The following PPM1B variants were observed in gnomAD, a reference collection of about 807,000 sequenced individuals.
The protein encoded by PPM1B is protein phosphatase, Mg2+/Mn2+ dependent 1B.
Under a neutral mutation model 43.0 loss-of-function variants are expected in PPM1B, and 22 were observed. The observed-to-expected ratio is 0.51, with a 90% CI of 0.37 to 0.73. The LOEUF (loss-of-function observed/expected upper bound fraction) is 0.73, where lower values mean the gene tolerates loss of function less well. Among genes scored for constraint, PPM1B ranks in the 30% least tolerant of loss-of-function variants. The pLI is 0.00. For missense variants in PPM1B, 632 were observed against 584.2 expected (o/e 1.08, Z -0.84); for synonymous variants, 217 against 197.9 (o/e 1.10, Z -0.81).
chr2:44,220,375 A>T (rs1194104601), intron 5 of PPM1B, among the ~76,000 whole-genome samples: 1 of 152,068 alleles, frequency 6.6e-6, no homozygotes, highest in African/African-American at 2.4e-5. Context: ...TAAATTTTTT[A>T]AAAAGAAAAA....
At position 44,223,845 on chromosome 2, in the gene PPM1B, G is replaced by C. The variant is rs7556994; in HGVS notation, c.1134+5308G>C. ...AAAAAAAAAAAAAAAAAAAAAAAAAGAGAGAGAGAGAGAAAATGCACTAAC... is the reference window on the plus strand; with the variant it reads ...AAAAAAAAAAAAAAAAAAAAAAAAACAGAGAGAGAGAGAAAATGCACTAAC... On this transcript the variant is annotated intron_variant, in intron 5 of 5. Transcript: ENST00000282412. 1.0e-4 allele frequency among the ~76,000 whole-genome samples: 11 copies of C among 109,740 alleles called. No homozygotes were observed. In the East Asian group the frequency reaches 3.0e-3, roughly 30 times the overall value. The allele number at this position is 109,740 out of a possible 152,430, so 72.0% of individuals were successfully genotyped here.
chr2:44,176,938 G>T (rs918253610), intron 1 of PPM1B, among the ~76,000 whole-genome samples: 1 of 152,072 alleles, frequency 6.6e-6, no homozygotes, highest in Non-Finnish European at 1.5e-5. Context: ...GCGGCACCAC[G>T]CCCAGCTAAT....
intron 5 of PPM1B, among the ~76,000 whole-genome samples, chr2:44,229,163 CAA>C (rs1343958792): frequency 1.4e-5 from 2 of 147,974 alleles, no homozygotes; most frequent in Non-Finnish European, 3.0e-5. Context: ...GCCTGGGCAA[CAA>C]GAGTGAAACT....
intron 5 of PPM1B, among the ~76,000 whole-genome samples, chr2:44,229,026 T>TA (rs1487798750): frequency 1.6e-4 from 24 of 151,918 alleles, no homozygotes; most frequent in Non-Finnish European, 2.9e-5. Context: ...CTACTAAAAA[T>TA]ACAAAATTAG....
At chr2:44,179,110 G>A (rs908489549) in intron 1 of PPM1B, among the ~76,000 whole-genome samples, 8 of 151,982 alleles carry the variant, frequency 5.3e-5, no homozygotes, top group Admixed American at 5.2e-4. Context: ...TAAGTCTCAT[G>A]AGATCTGATG....
chr2:44,192,364 A>G (rs192244612), intron 1 of PPM1B, among the ~76,000 whole-genome samples: 498 of 151,960 alleles, frequency 3.3e-3, no homozygotes, highest in African/African-American at 0.012. Context: ...ATTACAGCCC[A>G]CAAACCATGC....
chr2:44,197,484 T>A (rs1315297424), intron 1 of PPM1B, among the ~76,000 whole-genome samples: 1 of 152,214 alleles, frequency 6.6e-6, no homozygotes, highest in Non-Finnish European at 1.5e-5. Flanking sequence ...CTAACATTAC[T>A]CTTCTGTTAA....
chr2:44,207,769 G>A (rs1558413994), intron 2 of PPM1B, among the ~76,000 whole-genome samples: 1 of 151,846 alleles, frequency 6.6e-6, no homozygotes, highest in Non-Finnish European at 1.5e-5. Context: ...TTTTTGAAGA[G>A]ACAAGGTTTT....
At chr2:44,171,501 C>A (rs967938461) in intron 1 of PPM1B, among the ~76,000 whole-genome samples, 1 of 152,072 alleles carries the variant, frequency 6.6e-6, no homozygotes, top group Non-Finnish European at 1.5e-5. Flanking sequence ...GAATTGGCCA[C>A]GGTATCACTT....
chr2:44,186,408 A>G (rs1204101481), intron 1 of PPM1B, among the ~76,000 whole-genome samples: 1 of 152,196 alleles, frequency 6.6e-6, no homozygotes, highest in African/African-American at 2.4e-5. Flanking sequence ...TTGCTCTGTC[A>G]TCGAGGCTGG....
intron 1 of PPM1B, among the ~76,000 whole-genome samples, chr2:44,189,023 C>T (rs1425817906): frequency 6.6e-6 from 1 of 152,036 alleles, no homozygotes; most frequent in Non-Finnish European, 1.5e-5. Context: ...CATGCCGCCA[C>T]CACACCTGGC....
intron 2 of PPM1B, among the ~76,000 whole-genome samples, chr2:44,204,634 A>C (rs1350806687): frequency 6.6e-6 from 1 of 152,144 alleles, no homozygotes; most frequent in Non-Finnish European, 1.5e-5. Context: ...GAGGTAGTTA[A>C]GATGACGAGG....
chr2:44,187,061 A>T (rs57184508), intron 1 of PPM1B, among the ~76,000 whole-genome samples: 1 of 152,190 alleles, frequency 6.6e-6, no homozygotes, highest in Non-Finnish European at 1.5e-5. Flanking sequence ...CTGAAACTCT[A>T]TGCCCATTAA....
Position 44,180,315 on chromosome 2 carries a change from CT to C in PPM1B, c.-15+11044del, listed in dbSNP as rs1227808358. 2.6e-5 allele frequency among the ~76,000 whole-genome samples: 4 copies of C among 152,224 alleles called. No individual in the cohort carries two copies. The East Asian group carries it at 7.7e-4, about 29-fold the overall frequency. ...AAAAAGGGCTACAGGGATAGACTGA[CT>C]TTGGGAGTTGGGGATACTCTATGCC... is the stretch of plus-strand genomic sequence containing the variant. On this transcript the variant is annotated intron_variant, in intron 1 of 5. Transcript: ENST00000282412.
At chr2:44,241,625 G>A (rs917545737) in intron 5 of PPM1B, among the ~76,000 whole-genome samples, 2 of 115,262 alleles carry the variant, frequency 1.7e-5, no homozygotes, top group African/African-American at 2.7e-5. Context: ...CCAGCTACCT[G>A]GGAGGCTGAG....
At position 44,230,488 on chromosome 2, in the gene PPM1B, A is replaced by G; in HGVS notation, c.1210A>G (p.Arg404Gly). 6.2e-7 allele frequency: 1 copy of G among 1,614,172 alleles called. No homozygotes were observed. Among genetic ancestry groups the G allele is most frequent in the Admixed American group, 1.7e-5 (1 of 60,030 alleles). The change falls in exon 6 of 6, where the codon AGG (arginine) becomes GGG (glycine). Residue 404 changes from arginine (R) to glycine (G), a missense_variant. Around this residue, in one of 3 missense-constraint regions of PPM1B, gnomAD observed 392 missense variants for 302.7 expected, o/e 1.29. Coordinates refer to ENST00000282412, the MANE Select transcript of PPM1B (RefSeq NM_002706.6). ...TCTCAGGCAAATGAGAATTAATCAT[A>G]GGGGAAACTACCGACAACTTCTGGA... The part of the protein sequence containing the change: ...EALRQMRINH[R>G]GNYRQLLEEM...
At chr2:44,221,748 C>T (rs1669984696) in intron 5 of PPM1B, among the ~76,000 whole-genome samples, 1 of 151,998 alleles carries the variant, frequency 6.6e-6, no homozygotes, top group African/African-American at 2.4e-5. Context: ...AATAGGGATT[C>T]ATTCATTTTT....
At chr2:44,187,455 A>G (rs1407036762) in intron 1 of PPM1B, among the ~76,000 whole-genome samples, 3 of 152,172 alleles carry the variant, frequency 2.0e-5, no homozygotes, top group African/African-American at 7.2e-5. Context: ...TTGCTGGATC[A>G]TATGGTTGTT....
intron 2 of PPM1B, among the ~76,000 whole-genome samples, chr2:44,207,888 C>CTT (rs569077342): frequency 1.2e-3 from 116 of 97,394 alleles, no homozygotes; most frequent in African/African-American, 3.9e-3. Flanking sequence ...TGGCTTTATG[C>CTT]TTTTTTTTTT....
Sources: allele counts gnomAD v4.1 joint callset (sites outside exome capture counted in the v4.1 genomes callset), GRCh38; gene constraint gnomAD v4.1.1; regional missense constraint gnomAD v4.1.1; transcripts MANE v1.5; gene names NCBI Gene and HGNC (gene_info 2026-07-23, HGNC 2026-07-21).